MED13: variants seen among roughly 807,000 people sequenced by gnomAD.
The protein encoded by MED13 is mediator complex subunit 13.
In MED13, 23 loss-of-function variants were observed where a neutral mutation model predicts 225.2. That is an observed-to-expected ratio of 0.10 (90% confidence interval 0.07 to 0.14). The LOEUF (loss-of-function observed/expected upper bound fraction) is 0.14. Among genes scored for constraint, MED13 ranks in the 10% least tolerant of loss-of-function variants. The pLI, the probability that MED13 is intolerant of heterozygous loss-of-function variation, is 1.00. For missense variants in MED13, 2,197 were observed against 2,594.5 expected (o/e 0.85, Z 3.33); for synonymous variants, 942 against 889.2 (o/e 1.06, Z -1.06).
intron 3 of MED13, among the ~76,000 whole-genome samples, chr17:62,037,561 G>C (rs1302977195): frequency 6.6e-6 from 1 of 151,444 alleles, no homozygotes; most frequent in African/African-American, 2.4e-5. Flanking sequence ...CAGCTACTCA[G>C]GAGGCTGAGG....
At chr17:62,038,830 ATTT>A (rs367641054) in intron 3 of MED13, among the ~76,000 whole-genome samples, 3 of 149,692 alleles carry the variant, frequency 2.0e-5, no homozygotes, top group African/African-American at 7.3e-5. Context: ...CACCCAGCTA[ATTT>A]TTTTTTTCCC....
At chr17:61,951,709 T>TA (rs1228606025) in intron 27 of MED13, among the ~76,000 whole-genome samples, 1 of 152,000 alleles carries the variant, frequency 6.6e-6, no homozygotes, top group African/African-American at 2.4e-5. Context: ...TGCTTAAAAG[T>TA]AAAAATGGTT....
chr17:61,976,577 A>AT (rs1236236149), intron 16 of MED13, among the ~76,000 whole-genome samples: 2 of 152,176 alleles, frequency 1.3e-5, no homozygotes, highest in Non-Finnish European at 2.9e-5. Context: ...GCAAGTATGT[A>AT]TTTTTTATAA....
At chr17:61,958,984 C>G (rs569887210) in intron 23 of MED13, among the ~76,000 whole-genome samples, 8 of 151,904 alleles carry the variant, frequency 5.3e-5, no homozygotes, top group Non-Finnish European at 1.2e-4. Context: ...CCAGGTCTCT[C>G]TGACTCCATC....
intron 10 of MED13, among the ~76,000 whole-genome samples, chr17:61,993,791 C>T (rs953233019): frequency 2.0e-5 from 3 of 151,662 alleles, no homozygotes; most frequent in Non-Finnish European, 4.4e-5. Flanking sequence ...ATTAGCCGAG[C>T]GTAGTGGCGC....
chr17:61,947,649 C>T (rs991923572), intron 28 of MED13, among the ~76,000 whole-genome samples: 5 of 152,142 alleles, frequency 3.3e-5, no homozygotes, highest in African/African-American at 4.8e-5. Flanking sequence ...AAGCTATCTT[C>T]GGTTGAACTG....
At chr17:61,986,206 T>C (rs1477065725) in intron 12 of MED13, among the ~76,000 whole-genome samples, 1 of 152,170 alleles carries the variant, frequency 6.6e-6, no homozygotes, top group Non-Finnish European at 1.5e-5. Context: ...CATTATGGGA[T>C]ACACAGTAAA....
chr17:62,056,407 AC>A (rs1180444148), intron 2 of MED13, among the ~76,000 whole-genome samples: 1 of 152,172 alleles, frequency 6.6e-6, no homozygotes, highest in African/African-American at 2.4e-5. Flanking sequence ...GCAAATCTTT[AC>A]CTATCTCTTT....
intron 18 of MED13, 96 bp from the exon 19 acceptor site, chr17:61,966,747 T>C: frequency 1.2e-6 from 1 of 812,970 alleles, no homozygotes. Context: ...TAAAATAAGC[T>C]TAACCATTTG....
intron 10 of MED13, among the ~76,000 whole-genome samples, chr17:61,994,148 G>A (rs1464806976): frequency 3.3e-5 from 5 of 151,798 alleles, no homozygotes; most frequent in Non-Finnish European, 7.4e-5. Flanking sequence ...ACAGGCGCCC[G>A]CCATCGCACC....
At chr17:62,036,802 T>C (rs2080807555) in intron 3 of MED13, 1 of 152,220 alleles carries the variant, frequency 6.6e-6, no homozygotes, top group Non-Finnish European at 1.5e-5. Context: ...AATTTAAGCA[T>C]GTTATTCAAG....
rs1479156911 is a variant in MED13 at position 61,946,376 on chromosome 17, G to A, written c.*92C>T. 7.0e-7 allele frequency: 1 copy of A among 1,422,576 alleles called. No homozygotes were observed. The highest frequency in any genetic ancestry group is 9.6e-7 in the Non-Finnish European group (1 of 1,039,628). 88.1% of individuals were successfully genotyped at this position (1,422,576 alleles called of 1,614,324 possible). ...ATAAGAATTAGACCCCATCACAAAT[G>A]ACCTTCACTGAGAAGATAATTGTAA... is the stretch of plus-strand genomic sequence containing the variant. On this transcript the variant is annotated 3_prime_UTR_variant, in exon 30 of 30. Transcript: ENST00000397786.
intron 8 of MED13, among the ~76,000 whole-genome samples, chr17:62,020,682 TTTC>T (rs1340353171): frequency 1.8e-4 from 26 of 144,988 alleles, no homozygotes; most frequent in African/African-American, 6.3e-4. Context: ...CCTGGCCTGC[TTTC>T]TTTTTTTTTT....
rs751157284 is a variant in MED13, at chr17:61,965,344, T to C, written c.4506A>G (p.Pro1502=). Residue 1502 remains proline, a synonymous_variant, in exon 20 of 30, where the codon CCA becomes CCG. Transcript: ENST00000397786. ...TCGCTGCAGATGCTAAGGTGGCAGA[T>C]GGAGTATTAGCATTTCCAGTATTTG... The part of the protein sequence containing the change: ...QMTNTGNANT[P]SATLASAASS... The C allele has an allele frequency of 3.2e-5, 52 of 1,614,122 alleles. No homozygotes were observed. In the Admixed American group the frequency reaches 8.7e-4, roughly 27 times the overall value.
At chr17:61,977,405 G>A (rs1199698181) in intron 16 of MED13, among the ~76,000 whole-genome samples, 1 of 152,164 alleles carries the variant, frequency 6.6e-6, no homozygotes, top group Non-Finnish European at 1.5e-5. Flanking sequence ...TCATGATGCT[G>A]CTATAATTTA....
intron 20 of MED13, among the ~76,000 whole-genome samples, chr17:61,963,913 T>A (rs1001991835): frequency 6.6e-6 from 1 of 152,208 alleles, no homozygotes; most frequent in Non-Finnish European, 1.5e-5. Context: ...TCACTATAAA[T>A]AACTTGGAAT....
At chr17:62,037,724 G>A (rs1322856764) in intron 3 of MED13, among the ~76,000 whole-genome samples, 1 of 151,184 alleles carries the variant, frequency 6.6e-6, no homozygotes, top group African/African-American at 2.4e-5. Context: ...GGAGGGCAAG[G>A]CAGGTGGATC....
At position 61,965,247 on chromosome 17, in the gene MED13, T is replaced by C; in HGVS notation, c.4603A>G (p.Thr1535Ala). Residue 1535 changes from threonine (T) to alanine (A), a missense_variant, in exon 20 of 30, where the codon ACA becomes GCA. By Grantham distance (58) the Thr-to-Ala change is moderately conservative. Coordinates refer to ENST00000397786, the MANE Select transcript of MED13 (RefSeq NM_005121.3). ...SVATANSTLT[T>A]ASTSSSSSSN... is the part of the protein sequence containing the mutation. ...GATGATGAAGATGAAGTTGAAGCTGTGGTCAAAGTTGAATTAGCTGTGGCA... is the reference window on the plus strand; with the variant it reads ...GATGATGAAGATGAAGTTGAAGCTGCGGTCAAAGTTGAATTAGCTGTGGCA... 1 of 1,614,098 alleles carries C rather than the reference T, an allele frequency of 6.2e-7. No homozygotes were observed. The highest frequency in any genetic ancestry group is 8.5e-7 in the Non-Finnish European group (1 of 1,179,930).
At chr17:61,975,827 C>T (rs2080150670) in intron 16 of MED13, among the ~76,000 whole-genome samples, 1 of 152,030 alleles carries the variant, frequency 6.6e-6, no homozygotes, top group African/African-American at 2.4e-5. Flanking sequence ...ACCAGCCTGG[C>T]CAACATGGTG....
Sources: allele counts gnomAD v4.1 joint callset (sites outside exome capture counted in the v4.1 genomes callset), GRCh38; gene constraint gnomAD v4.1.1; transcripts MANE v1.5; gene names NCBI Gene and HGNC (gene_info 2026-07-23, HGNC 2026-07-21).